The following GALNTL6 variants were observed in gnomAD, a reference collection of about 807,000 sequenced individuals.
The protein encoded by GALNTL6 is polypeptide N-acetylgalactosaminyltransferase-like 6.
Under a neutral mutation model 73.7 loss-of-function variants are expected in GALNTL6, and 46 were observed. The ratio of observed to expected loss-of-function variants is 0.62; its 90% confidence interval spans 0.49 to 0.80. The LOEUF is 0.80. GALNTL6 is among the 30% of genes least tolerant of loss of function. GALNTL6 has a pLI of 0.00. For missense variants in GALNTL6, 604 were observed against 755.0 expected (o/e 0.80, Z 2.34); for synonymous variants, 259 against 263.7 (o/e 0.98, Z 0.17).
chr4:172,568,727 C>T (rs956935439), intron 5 of GALNTL6, among the ~76,000 whole-genome samples: 1 of 132,804 alleles, frequency 7.5e-6, no homozygotes, highest in African/African-American at 3.0e-5. Context: ...CACTGCACTC[C>T]AGCCTGGGCC....
chr4:172,659,129 A>AT (rs144763293), intron 5 of GALNTL6, among the ~76,000 whole-genome samples: 81 of 152,352 alleles, frequency 5.3e-4, no homozygotes, highest in African/African-American at 1.9e-3. Context: ...AAATGAATGA[A>AT]TGAGTACTAA....
At chr4:172,720,040 C>T (rs1329690615) in intron 5 of GALNTL6, among the ~76,000 whole-genome samples, 1 of 152,016 alleles carries the variant, frequency 6.6e-6, no homozygotes, top group Non-Finnish European at 1.5e-5. Context: ...TGAGTTTTGG[C>T]CGGCTTCTTT....
At chr4:172,394,662 C>T (rs1227066265) in intron 5 of GALNTL6, among the ~76,000 whole-genome samples, 1 of 151,954 alleles carries the variant, frequency 6.6e-6, no homozygotes, top group Admixed American at 6.6e-5. Flanking sequence ...GAACTCCTGA[C>T]CTCAGGTGAT....
At chr4:172,664,593 C>G (rs1363281285) in intron 5 of GALNTL6, among the ~76,000 whole-genome samples, 1 of 152,174 alleles carries the variant, frequency 6.6e-6, no homozygotes, top group African/African-American at 2.4e-5. Context: ...GGTCATGGAT[C>G]TGAGTCAAAG....
At chr4:172,834,115 C>A (rs1484981998) in intron 7 of GALNTL6, among the ~76,000 whole-genome samples, 1 of 152,120 alleles carries the variant, frequency 6.6e-6, no homozygotes, top group South Asian at 2.1e-4. Context: ...GAAACTCCAT[C>A]TCAAAAACAA....
chr4:171,946,712 A>G lies in GALNTL6; in HGVS notation c.138+131994A>G, dbSNP rs142369019. Among the ~76,000 whole-genome samples the G allele has an allele frequency of 7.0e-3, 1,064 of 152,278 alleles. 8 individuals carry two copies. The highest frequency in any genetic ancestry group is 0.031 in the Middle Eastern group (9 of 294). On this transcript the variant is annotated intron_variant, in intron 2 of 12. Transcript: ENST00000506823. ...AGTCAGAGGCGGCCTCTCCAATGCCATGAGTAGAATGGGACACTTGTGAAG... is the reference window on the plus strand; with the variant it reads ...AGTCAGAGGCGGCCTCTCCAATGCCGTGAGTAGAATGGGACACTTGTGAAG...
In GALNTL6 at chr4:171,886,353, T is replaced by C. The variant is rs535603590; in HGVS notation, c.138+71635T>C. Among the ~76,000 whole-genome samples the C allele has an allele frequency of 4.6e-5, 7 of 152,304 alleles. No individual in the cohort carries two copies. In the East Asian group the frequency reaches 1.4e-3, roughly 29 times the overall value. Reference sequence around the variant, plus strand: ...CATAATGACAAAAGAGCTAATTTATTTTCTTCATTTTTTCATTGTAAATTT... The same window carrying C: ...CATAATGACAAAAGAGCTAATTTATCTTCTTCATTTTTTCATTGTAAATTT... On this transcript the variant is annotated intron_variant, in intron 2 of 12. Transcript: ENST00000506823.
At chr4:172,807,800 C>G (rs2110980767) in intron 5 of GALNTL6, among the ~76,000 whole-genome samples, 1 of 152,150 alleles carries the variant, frequency 6.6e-6, no homozygotes, top group Non-Finnish European at 1.5e-5. Context: ...GTGGAAAATC[C>G]CATCTGTATT....
At chr4:172,300,645 G>C (rs1344922464) in intron 3 of GALNTL6, among the ~76,000 whole-genome samples, 2 of 152,120 alleles carry the variant, frequency 1.3e-5, no homozygotes, top group Non-Finnish European at 2.9e-5. Flanking sequence ...AGTTTGGCAG[G>C]ATTTGAAATT....
chr4:171,833,156 A>T (rs1024061654), intron 2 of GALNTL6, among the ~76,000 whole-genome samples: 4 of 151,796 alleles, frequency 2.6e-5, no homozygotes, highest in Admixed American at 2.6e-4. Flanking sequence ...AGGGTATAGT[A>T]TTAAAAGCAG....
chr4:172,888,061 A>C (rs1002279867), intron 8 of GALNTL6, among the ~76,000 whole-genome samples: 7 of 152,094 alleles, frequency 4.6e-5, no homozygotes, highest in Admixed American at 4.6e-4. Context: ...TGATTCATTT[A>C]GGTTCCTTAT....
chr4:172,170,409 A>T (rs1277688758), intron 2 of GALNTL6, among the ~76,000 whole-genome samples: 2 of 150,968 alleles, frequency 1.3e-5, no homozygotes, highest in African/African-American at 2.4e-5. Context: ...TTTCGCCATG[A>T]TTGTAAGTTT....
intron 4 of GALNTL6, among the ~76,000 whole-genome samples, chr4:172,330,804 A>G (rs1741097989): frequency 6.6e-6 from 1 of 152,026 alleles, no homozygotes; most frequent in Non-Finnish European, 1.5e-5. Flanking sequence ...CTTTAAGTAC[A>G]TATATATTAG....
At chr4:172,739,787 TAG>T (rs1159328890) in intron 5 of GALNTL6, among the ~76,000 whole-genome samples, 1 of 151,780 alleles carries the variant, frequency 6.6e-6, no homozygotes, top group Admixed American at 6.6e-5. Flanking sequence ...AGAAACAACA[TAG>T]AGTCATAAGT....
At chr4:172,964,783 T>C (rs527366840) in intron 10 of GALNTL6, among the ~76,000 whole-genome samples, 13 of 152,358 alleles carry the variant, frequency 8.5e-5, no homozygotes, top group Admixed American at 8.5e-4. Flanking sequence ...GAGGATGCGA[T>C]GTTGTCTCTT....
rs879216275 is a variant in GALNTL6 at position 172,379,821 on chromosome 4, C to T, written c.553+31132C>T. ...TTTAAACGTTTCCCAACAGTCCAGA[C>T]GATACTTCTAGCCTCTGCTCATACT... On this transcript the variant is annotated intron_variant, in intron 5 of 12. Coordinates refer to ENST00000506823, the MANE Select transcript of GALNTL6 (RefSeq NM_001034845.3). Among the ~76,000 whole-genome samples, 7 of 152,228 alleles carry T rather than the reference C, an allele frequency of 4.6e-5. No homozygotes were observed. The South Asian group carries it at 8.3e-4, about 18-fold the overall frequency.
intron 5 of GALNTL6, among the ~76,000 whole-genome samples, chr4:172,763,246 A>G (rs1738222374): frequency 6.6e-6 from 1 of 152,182 alleles, no homozygotes; most frequent in African/African-American, 2.4e-5. Flanking sequence ...GGTAAAATCT[A>G]CTTATAAGTA....
rs144437828 is a variant in GALNTL6 at position 171,902,345 on chromosome 4, G to C, written c.138+87627G>C. 1.5e-3 allele frequency among the ~76,000 whole-genome samples: 222 copies of C among 152,294 alleles called. 1 individual carries two copies. The highest frequency in any genetic ancestry group is 9.8e-3 in the Admixed American group (150 of 15,298). On this transcript the variant is annotated intron_variant, in intron 2 of 12. Coordinates refer to ENST00000506823, the MANE Select transcript of GALNTL6 (RefSeq NM_001034845.3). ...AGAAATTCAGGTGTCTGCAAATTTG[G>C]AAGTGCAGTAAAAATCAAGGAGGAG...
intron 2 of GALNTL6, among the ~76,000 whole-genome samples, chr4:171,868,844 T>TAA (rs991658489): frequency 2.6e-5 from 4 of 152,048 alleles, no homozygotes; most frequent in Non-Finnish European, 5.9e-5. Context: ...CCCACCTGGC[T>TAA]AAGTTTTTGT....
Sources: gnomAD v4.1 joint callset for allele counts (sites outside exome capture counted in the v4.1 genomes callset) on GRCh38, gnomAD v4.1.1 for gene constraint, MANE v1.5 for transcripts, NCBI Gene and HGNC (gene_info 2026-07-23, HGNC 2026-07-21) for gene names.